Variants in FHOD3 observed in about 807,000 individuals in gnomAD.
FHOD3 encodes the protein formin homology 2 domain containing 3, also known as FH1/FH2 domain-containing protein 3.
In FHOD3, 90 loss-of-function variants were observed where a neutral mutation model predicts 173.0. The ratio of observed to expected loss-of-function variants is 0.52; its 90% confidence interval spans 0.44 to 0.62. The LOEUF (loss-of-function observed/expected upper bound fraction) is 0.62, where lower values mean the gene tolerates loss of function less well. Among genes scored for constraint, FHOD3 ranks in the 20% least tolerant of loss-of-function variants. The pLI is 0.00. For missense variants in FHOD3, 1,945 were observed against 2,034.7 expected (o/e 0.96, Z 0.85); for synonymous variants, 828 against 823.0 (o/e 1.01, Z -0.10).
intron 3 of FHOD3, among the ~76,000 whole-genome samples, chr18:36,458,532 G>C (rs888842960): frequency 2.0e-5 from 3 of 152,120 alleles, no homozygotes; most frequent in Admixed American, 2.0e-4. Context: ...GATTAAAATA[G>C]GTGCTTGCCT....
At chr18:36,654,106 T>C (rs1188521719) in intron 13 of FHOD3, among the ~76,000 whole-genome samples, 1 of 150,674 alleles carries the variant, frequency 6.6e-6, no homozygotes, top group Non-Finnish European at 1.5e-5. Context: ...CACCACACCC[T>C]GCCAAGGCAA....
At chr18:36,323,471 A>G (rs1443854763) in intron 1 of FHOD3, among the ~76,000 whole-genome samples, 1 of 152,188 alleles carries the variant, frequency 6.6e-6, no homozygotes, top group African/African-American at 2.4e-5. Flanking sequence ...CACATCAGGC[A>G]TCAGGATGCC....
chr18:36,375,881 G>A (rs948989419), intron 3 of FHOD3, among the ~76,000 whole-genome samples: 1 of 152,174 alleles, frequency 6.6e-6, no homozygotes, highest in African/African-American at 2.4e-5. Flanking sequence ...TTATTTCTTT[G>A]TACATTTTTG....
intron 10 of FHOD3, among the ~76,000 whole-genome samples, chr18:36,637,882 GA>G (rs2035003041): frequency 1.3e-5 from 2 of 152,324 alleles, no homozygotes; most frequent in South Asian, 4.1e-4. Context: ...ACTTTTGGAT[GA>G]TTTATGTTGT....
At chr18:36,661,769 T>C (rs1159714738) in intron 14 of FHOD3, among the ~76,000 whole-genome samples, 2 of 152,206 alleles carry the variant, frequency 1.3e-5, no homozygotes, top group Admixed American at 1.3e-4. Flanking sequence ...AGAAACAATA[T>C]GGAAAATTAA....
intron 27 of FHOD3, among the ~76,000 whole-genome samples, chr18:36,767,651 G>T (rs1026622198): frequency 1.3e-5 from 2 of 152,152 alleles, no homozygotes; most frequent in Non-Finnish European, 2.9e-5. Context: ...AAACATCATT[G>T]TTCTATAGCC....
chr18:36,570,098 C>A (rs184275647), intron 5 of FHOD3, among the ~76,000 whole-genome samples: 1 of 151,696 alleles, frequency 6.6e-6, no homozygotes, highest in African/African-American at 2.4e-5. Flanking sequence ...TAGAGAAAAT[C>A]AATGAAACAA....
intron 5 of FHOD3, among the ~76,000 whole-genome samples, chr18:36,536,642 G>T (rs572160376): frequency 6.6e-6 from 1 of 152,172 alleles, no homozygotes; most frequent in African/African-American, 2.4e-5. Context: ...GCTCCCCACT[G>T]AGGCAGAGTG....
In FHOD3 at chr18:36,380,543, C is replaced by CT. The variant is rs71381569; in HGVS notation, c.337+7802dup. Among the ~76,000 whole-genome samples, 708 of 119,518 alleles carry CT rather than the reference C, an allele frequency of 5.9e-3. 20 individuals carry two copies. Among genetic ancestry groups the CT allele is most frequent in the African/African-American group, 0.023 (656 of 28,948 alleles). The allele number at this position is 119,518 out of a possible 152,430, so 78.4% of individuals were successfully genotyped here. Reference sequence around the variant, plus strand: ...TCTCTCCCTTTTTCCCTTTCTCTCTCTTTCTTTTGTTTTCTTTTCTTTTCT... The same window carrying CT: ...TCTCTCCCTTTTTCCCTTTCTCTCTCTTTTCTTTTGTTTTCTTTTCTTTTCT... On this transcript the variant is annotated intron_variant, in intron 3 of 28. Transcript: ENST00000590592.
Position 36,771,819 on chromosome 18 carries a change from G to A in FHOD3, c.4786+2393G>A, listed in dbSNP as rs191837109. 3.1e-3 allele frequency among the ~76,000 whole-genome samples: 469 copies of A among 152,366 alleles called. 5 individuals carry two copies. The highest frequency in any genetic ancestry group is 6.8e-3 in the Middle Eastern group (2 of 294). ...CTGTGAAGACAGAGACGTCCCATTTGTCAGGTGCATGGCACCCTGACAGAG... is the reference window on the plus strand; with the variant it reads ...CTGTGAAGACAGAGACGTCCCATTTATCAGGTGCATGGCACCCTGACAGAG... On this transcript the variant is annotated intron_variant, in intron 28 of 28. Transcript: ENST00000590592.
intron 28 of FHOD3, among the ~76,000 whole-genome samples, chr18:36,775,661 T>C (rs2043596097): frequency 6.6e-6 from 1 of 152,142 alleles, no homozygotes; most frequent in African/African-American, 2.4e-5. Context: ...GAGCCCTTTG[T>C]GGGAATTTTT....
At position 36,522,536 on chromosome 18, in the gene FHOD3, G is replaced by T. The variant is rs543415555; in HGVS notation, c.511+9993G>T. Among the ~76,000 whole-genome samples the T allele has an allele frequency of 3.3e-5, 5 of 152,262 alleles. No individual in the cohort carries two copies. In the East Asian group the frequency reaches 9.7e-4, roughly 29 times the overall value. ...TACAGATAAAATACATGCAAATATGGATTATACTGTACAGCCTGTTTTGTA... is the reference window on the plus strand; with the variant it reads ...TACAGATAAAATACATGCAAATATGTATTATACTGTACAGCCTGTTTTGTA... On this transcript the variant is annotated intron_variant, in intron 5 of 28. Transcript: ENST00000590592.
At chr18:36,388,831 TG>T (rs2048156477) in intron 3 of FHOD3, among the ~76,000 whole-genome samples, 1 of 152,238 alleles carries the variant, frequency 6.6e-6, no homozygotes, top group African/African-American at 2.4e-5. Context: ...TTCATATTTT[TG>T]TATCATTTTG....
chr18:36,336,135 GT>G lies in FHOD3; in HGVS notation c.166-19401del, dbSNP rs962491319. ...GTGTGGTGGCCGTAAGAAACTGCAT[GT>G]TTAGGCAAATTGTAAAATAAGCAGG... On this transcript the variant is annotated intron_variant, in intron 1 of 28. Transcript: ENST00000590592. Among the ~76,000 whole-genome samples the G allele has an allele frequency of 2.0e-5, 3 of 152,262 alleles. No homozygotes were observed. In the East Asian group the frequency reaches 5.8e-4, roughly 29 times the overall value.
chr18:36,676,199 T>C (rs2037846589), intron 14 of FHOD3, among the ~76,000 whole-genome samples: 1 of 152,210 alleles, frequency 6.6e-6, no homozygotes, highest in Non-Finnish European at 1.5e-5. Flanking sequence ...TTCTCAGATA[T>C]GGTTTTGTTT....
chr18:36,744,593 G>T (rs1364514054), intron 23 of FHOD3, among the ~76,000 whole-genome samples: 1 of 152,226 alleles, frequency 6.6e-6, no homozygotes, highest in Non-Finnish European at 1.5e-5. Flanking sequence ...TTGCAGTGAG[G>T]TGTGGAGCCA....
At chr18:36,651,247 T>C (rs920327424) in intron 11 of FHOD3, among the ~76,000 whole-genome samples, 4 of 152,000 alleles carry the variant, frequency 2.6e-5, no homozygotes, top group Middle Eastern at 3.2e-3. Flanking sequence ...GAGCTCTGAA[T>C]TTGAGGCGGG....
intron 3 of FHOD3, among the ~76,000 whole-genome samples, chr18:36,413,272 G>A (rs1039112044): frequency 9.2e-5 from 14 of 152,178 alleles, no homozygotes; most frequent in African/African-American, 4.8e-5. Flanking sequence ...CTCATTTTCC[G>A]GGTGCGCAGC....
At chr18:36,327,256 C>T (rs2044719011) in intron 1 of FHOD3, among the ~76,000 whole-genome samples, 1 of 152,172 alleles carries the variant, frequency 6.6e-6, no homozygotes, top group South Asian at 2.1e-4. Context: ...CACTGGTGTG[C>T]TGGCAGAGCC....
Sources: allele counts gnomAD v4.1 joint callset (sites outside exome capture counted in the v4.1 genomes callset), GRCh38; gene constraint gnomAD v4.1.1; transcripts MANE v1.5; gene names NCBI Gene and HGNC (gene_info 2026-07-23, HGNC 2026-07-21).